MRTFB: variants seen among roughly 807,000 people sequenced by gnomAD.
MRTFB encodes the protein myocardin-related transcription factor B.
MRTFB carries 29 observed loss-of-function variants against 104.2 expected under a neutral mutation model. The observed-to-expected ratio is 0.28, with a 90% CI of 0.21 to 0.38. MRTFB has a LOEUF of 0.38. Ranked by LOEUF, MRTFB falls within the 10% of genes least tolerant of loss-of-function variation. The pLI is 1.00. For synonymous variants in MRTFB, 535 were observed against 519.5 expected, an observed-to-expected ratio of 1.03 and a Z score of -0.41; for missense variants, 1,270 against 1,341.6, an observed-to-expected ratio of 0.95 and a Z score of 0.83.
the MRTFB span, among the ~76,000 whole-genome samples, chr16:14,053,800 G>A: frequency 6.6e-6 from 1 of 152,066 alleles, no homozygotes; most frequent in Non-Finnish European, 1.5e-5. Flanking sequence ...AGAGGCTGAG[G>A]CAGGAGGAGC....
At chr16:14,143,387 C>G (rs934861713) in intron 3 of MRTFB, 2 of 151,830 alleles carry the variant, frequency 1.3e-5, no homozygotes, top group African/African-American at 4.8e-5. Context: ...AATTATTTAG[C>G]TTATGAGAAG....
the MRTFB span, among the ~76,000 whole-genome samples, chr16:14,031,273 C>T: frequency 2.6e-5 from 4 of 152,000 alleles, no homozygotes; most frequent in Non-Finnish European, 5.9e-5. Context: ...TGTCTGTAGT[C>T]CCAGCTGCTC....
chr16:14,070,235 G>C (rs76373936), upstream of MRTFB, among the ~76,000 whole-genome samples: 14 of 152,110 alleles, frequency 9.2e-5, no homozygotes, highest in Non-Finnish European at 5.9e-5. Flanking sequence ...GCTGGGCTCC[G>C]GACTCAGACC....
At chr16:14,068,593 G>A (rs904499732), upstream of MRTFB, among the ~76,000 whole-genome samples, 9 of 152,102 alleles carry the variant, frequency 5.9e-5, no homozygotes, top group Admixed American at 2.6e-4. Context: ...TGTGTGTGTC[G>A]TTGCGTGTTG....
intron 3 of MRTFB, chr16:14,143,767 T>C (rs1416889221): frequency 6.6e-6 from 1 of 152,150 alleles, no homozygotes; most frequent in Admixed American, 6.5e-5. Context: ...ATAATACTTG[T>C]TTGATTTGTC....
At chr16:14,013,883 A>T in the MRTFB span, among the ~76,000 whole-genome samples, 6 of 152,292 alleles carry the variant, frequency 3.9e-5, no homozygotes, top group East Asian at 1.2e-3. Context: ...TGGAGGACCA[A>T]ATTACCTCCT....
intron 3 of MRTFB, among the ~76,000 whole-genome samples, chr16:14,209,847 T>C (rs1014775134): frequency 6.6e-6 from 1 of 152,242 alleles, no homozygotes; most frequent in Non-Finnish European, 1.5e-5. Flanking sequence ...AATAAGTTTT[T>C]GCTATTAATT....
chr16:14,156,665 G>A (rs866126299), intron 3 of MRTFB, among the ~76,000 whole-genome samples: 1 of 152,142 alleles, frequency 6.6e-6, no homozygotes, highest in Non-Finnish European at 1.5e-5. Flanking sequence ...GGTTTCACTG[G>A]TTGGCAGAAT....
chr16:14,075,819 A>G (rs898539466), intron 1 of MRTFB, among the ~76,000 whole-genome samples: 1 of 152,218 alleles, frequency 6.6e-6, no homozygotes, highest in Non-Finnish European at 1.5e-5. Flanking sequence ...CTTGTCACCA[A>G]TTTCAGAGAA....
chr16:14,021,333 C>T, the MRTFB span, among the ~76,000 whole-genome samples: 4 of 152,206 alleles, frequency 2.6e-5, no homozygotes, highest in Admixed American at 2.6e-4. Context: ...TAGAGGCAGC[C>T]TGCATTCTTT....
At chr16:14,036,102 TA>T in the MRTFB span, among the ~76,000 whole-genome samples, 1 of 13,224 alleles carries the variant, frequency 7.6e-5, no homozygotes, top group Non-Finnish European at 1.6e-4. Context: ...ATATATTATA[TA>T]TATAATATAT....
rs1258114054 is a variant in MRTFB, at chr16:14,177,740, T to C, written c.155-32503T>C. 6.6e-6 allele frequency among the ~76,000 whole-genome samples: 1 copy of C among 152,096 alleles called. No individual in the cohort carries two copies. The highest frequency in any genetic ancestry group is 1.5e-5 in the Non-Finnish European group (1 of 68,028). ...GGGGAGGCTGAAGAGGGAAGATTGC[T>C]TCAGCCCAGGAGGTCGAGGCTGCAG... On this transcript the variant is annotated intron_variant, in intron 3 of 16. Transcript: ENST00000571589. The surrounding 1 kb of genome is among the most constrained non-coding windows in gnomAD (Gnocchi z 4.7).
rs761145122 is a variant in MRTFB, at chr16:14,240,451, A to G, written c.1046A>G (p.Tyr349Cys). Residue 349 changes from tyrosine (Y) to cysteine (C), a missense_variant, in exon 10 of 17, where the codon TAC (tyrosine) becomes TGC (cysteine). Tyr to Cys is a radical substitution (Grantham distance 194). Coordinates refer to ENST00000571589, the MANE Select transcript of MRTFB (RefSeq NM_001308142.2). ...ATCCTGAGTCAGCAGAAGCAGCACT[A>G]CAACTACCAGACCATCCTGCCTGCA... ...LQILSQQKQH[Y>C]NYQTILPAPF... The G allele has an allele frequency of 1.4e-5, 23 of 1,614,104 alleles. No individual in the cohort carries two copies. The highest frequency in any genetic ancestry group is 1.9e-5 in the Non-Finnish European group (22 of 1,180,040).
chr16:14,069,160 G>A (rs2097269), upstream of MRTFB, among the ~76,000 whole-genome samples: 31,012 of 151,740 alleles, frequency 0.2, 5,543 homozygotes, highest in African/African-American at 0.47. Context: ...AGTAGAGAAC[G>A]GGGTTTCACC....
At chr16:14,228,451 T>G (rs2042107589) in intron 8 of MRTFB, among the ~76,000 whole-genome samples, 1 of 152,092 alleles carries the variant, frequency 6.6e-6, no homozygotes, top group Admixed American at 6.5e-5. Flanking sequence ...GGTACGTGCC[T>G]GTAATCCCAG....
chr16:14,110,897 G>A (rs558140291), intron 2 of MRTFB, among the ~76,000 whole-genome samples: 181 of 151,954 alleles, frequency 1.2e-3, no homozygotes, highest in African/African-American at 4.0e-3. Context: ...TCTGAATCTC[G>A]TCTCCCTTAA....
chr16:14,052,688 G>A, the MRTFB span, among the ~76,000 whole-genome samples: 4 of 149,582 alleles, frequency 2.7e-5, no homozygotes, highest in Non-Finnish European at 5.9e-5. Flanking sequence ...GCAGTGAGCC[G>A]AGATGGTGCC....
At chr16:14,015,263 T>A in the MRTFB span, among the ~76,000 whole-genome samples, 1 of 152,218 alleles carries the variant, frequency 6.6e-6, no homozygotes, top group Admixed American at 6.5e-5. Flanking sequence ...TGCACATTCA[T>A]CCGTGGGACT....
intron 2 of MRTFB, among the ~76,000 whole-genome samples, chr16:14,117,329 C>T (rs1464347675): frequency 6.6e-6 from 1 of 152,254 alleles, no homozygotes; most frequent in East Asian, 1.9e-4. Context: ...GTGGGTTTTG[C>T]CTCTCTGTCC....
Sources: allele counts gnomAD v4.1 joint callset (sites outside exome capture counted in the v4.1 genomes callset), GRCh38; gene constraint gnomAD v4.1.1; non-coding constraint Gnocchi (gnomAD v3.1); transcripts MANE v1.5; gene names NCBI Gene and HGNC (gene_info 2026-07-23, HGNC 2026-07-21).